HIP1: variants seen among roughly 807,000 people sequenced by gnomAD.
HIP1 encodes the protein huntingtin interacting protein 1, also known as huntingtin-interacting protein 1.
In HIP1, 65 loss-of-function variants were observed where a neutral mutation model predicts 147.6. The ratio of observed to expected loss-of-function variants is 0.44; its 90% confidence interval spans 0.36 to 0.54. The LOEUF (loss-of-function observed/expected upper bound fraction) is 0.54, where lower values mean the gene tolerates loss of function less well. Among genes scored for constraint, HIP1 ranks in the 20% least tolerant of loss-of-function variants. HIP1 has a pLI of 0.00. For synonymous variants in HIP1, 479 were observed against 504.0 expected (o/e 0.95, Z 0.67); for missense variants, 1,061 against 1,299.6 (o/e 0.82, Z 2.82).
At chr7:75,627,732 G>C (rs1798092611) in intron 1 of HIP1, among the ~76,000 whole-genome samples, 1 of 152,174 alleles carries the variant, frequency 6.6e-6, no homozygotes. Flanking sequence ...ATAAGAGGCA[G>C]CATCTTCCCT....
At chr7:75,713,696 A>C (rs1554520289) in intron 1 of HIP1, among the ~76,000 whole-genome samples, 1 of 128,576 alleles carries the variant, frequency 7.8e-6, no homozygotes. Context: ...GCTGAGTGAC[A>C]TGCCATTTTT....
intron 6 of HIP1, among the ~76,000 whole-genome samples, chr7:75,581,640 G>A (rs1333326539): frequency 2.0e-5 from 3 of 152,192 alleles, no homozygotes; most frequent in African/African-American, 7.2e-5. Flanking sequence ...TTAGCTGGGT[G>A]TGATGGCGCA....
At chr7:75,544,638 G>T in intron 27 of HIP1, 57 bp downstream of exon 27, 2 of 1,029,918 alleles carry the variant, frequency 1.9e-6, no homozygotes, top group Non-Finnish European at 3.1e-6. Flanking sequence ...CTTTAACCTA[G>T]CCTAGTACTC....
chr7:75,652,979 G>A (rs367803926), intron 1 of HIP1, among the ~76,000 whole-genome samples: 2 of 152,296 alleles, frequency 1.3e-5, no homozygotes, highest in East Asian at 3.9e-4. Context: ...TCAGCTGAGT[G>A]TGACAGTTAA....
At chr7:75,559,984 C>A in intron 13 of HIP1, 69 bp from the exon 14 acceptor site, 1 of 1,420,392 alleles carries the variant, frequency 7.0e-7, no homozygotes. Context: ...GCCGGAGAAG[C>A]GGGTCCTACC....
At chr7:75,734,319 C>T (rs1400683583) in intron 1 of HIP1, among the ~76,000 whole-genome samples, 1 of 151,232 alleles carries the variant, frequency 6.6e-6, no homozygotes, top group Non-Finnish European at 1.5e-5. Context: ...TGGTGGCATG[C>T]TCCTGTAGTC....
chr7:75,703,475 C>T (rs1800897823), intron 1 of HIP1, among the ~76,000 whole-genome samples: 2 of 152,070 alleles, frequency 1.3e-5, no homozygotes, highest in Admixed American at 1.3e-4. Context: ...GAAACCCTAT[C>T]TCTACTAAAA....
intron 21 of HIP1, 133 bp from the exon 22 acceptor site, chr7:75,553,722 CG>C: frequency 1.2e-6 from 1 of 803,932 alleles, no homozygotes; most frequent in Non-Finnish European, 1.9e-6. Flanking sequence ...TCTCCTGCCT[CG>C]GCCTCCCAAG....
intron 1 of HIP1, among the ~76,000 whole-genome samples, chr7:75,643,528 T>G (rs1305217874): frequency 6.6e-6 from 1 of 152,168 alleles, no homozygotes; most frequent in Non-Finnish European, 1.5e-5. Context: ...GGTATTATTA[T>G]TACAATGCGT....
chr7:75,722,164 G>C (rs182103619), intron 1 of HIP1, among the ~76,000 whole-genome samples: 2 of 152,192 alleles, frequency 1.3e-5, no homozygotes, highest in Admixed American at 1.3e-4. Flanking sequence ...TTCAAAATTA[G>C]CCAGGCATGG....
chr7:75,671,740 C>T (rs2705824), intron 1 of HIP1, among the ~76,000 whole-genome samples: 85,879 of 151,838 alleles, frequency 0.57, 24,773 homozygotes, highest in African/African-American at 0.66. Context: ...TTCATGTTTT[C>T]CTTTTTTTTA....
Position 75,568,358 on chromosome 7 carries a change from G to A in HIP1, c.746-102C>T. Reference sequence around the variant, plus strand: ...GAGGGGCCCAGCTACCCTGGGGCATGTGGCCAGCACTGCCAGGGGCCACGA... The same window carrying A: ...GAGGGGCCCAGCTACCCTGGGGCATATGGCCAGCACTGCCAGGGGCCACGA... On this transcript the variant is annotated intron_variant, in intron 8 of 30. Coordinates refer to ENST00000336926, the MANE Select transcript of HIP1 (RefSeq NM_005338.7). This position sits in a 1 kb window ranked among gnomAD's most constrained non-coding sequence, Gnocchi z 4.1. 1.2e-6 allele frequency: 1 copy of A among 818,486 alleles called. No individual in the cohort carries two copies. The highest frequency in any genetic ancestry group is 2.2e-6 in the Non-Finnish European group (1 of 462,374). The allele number at this position is 818,486 out of a possible 1,614,324, so 50.7% of individuals were successfully genotyped here.
rs368710595 is a variant in HIP1, at chr7:75,598,805, G to A, written c.184+379C>T. 3.3e-5 allele frequency among the ~76,000 whole-genome samples: 5 copies of A among 152,066 alleles called. No homozygotes were observed. In the East Asian group the frequency reaches 7.8e-4, roughly 24 times the overall value. On this transcript the variant is annotated intron_variant, in intron 2 of 30. Coordinates refer to ENST00000336926, the MANE Select transcript of HIP1 (RefSeq NM_005338.7). ...TCCCAGCTACTCGGGAGGCTGAGACGAGAGGATTGCGTGAACCCAGGAGTT... is the reference window on the plus strand; with the variant it reads ...TCCCAGCTACTCGGGAGGCTGAGACAAGAGGATTGCGTGAACCCAGGAGTT...
Position 75,586,834 on chromosome 7 carries a change from CT to C in HIP1, c.385-2del. 6.2e-7 allele frequency: 1 copy of C among 1,607,228 alleles called. No homozygotes were observed. Among genetic ancestry groups the C allele is most frequent in the Non-Finnish European group, 8.5e-7 (1 of 1,174,310 alleles). ...GGCCATACCCCTCGCTCAGGTGGCC[CT>C]TTTAGGAAGAGGAGGGGAAACAGAG... On this transcript the variant is annotated splice_acceptor_variant, in intron 4 of 30. Coordinates refer to ENST00000336926, the MANE Select transcript of HIP1 (RefSeq NM_005338.7). LOFTEE classifies it high-confidence loss of function.
At chr7:75,725,460 C>G (rs1166719541) in intron 1 of HIP1, among the ~76,000 whole-genome samples, 2 of 152,152 alleles carry the variant, frequency 1.3e-5, no homozygotes, top group Non-Finnish European at 2.9e-5. Flanking sequence ...CAGAAACTCC[C>G]TTTCCCCACC....
At position 75,566,269 on chromosome 7, in the gene HIP1, A is replaced by G. The variant is rs1584805859; in HGVS notation, c.803+1930T>C. ...ACTCCTGACCTCAAGTGATCTGCCCACCTCGGCCTCCCAAAGTGCTGGGAT... is the reference window on the plus strand; with the variant it reads ...ACTCCTGACCTCAAGTGATCTGCCCGCCTCGGCCTCCCAAAGTGCTGGGAT... On this transcript the variant is annotated intron_variant, in intron 9 of 30. Transcript: ENST00000336926. Among the ~76,000 whole-genome samples the G allele has an allele frequency of 2.1e-5, 3 of 141,870 alleles. 1 individual carries two copies. Among genetic ancestry groups the G allele is most frequent in the African/African-American group, 8.1e-5 (3 of 37,026 alleles). 93.1% of individuals were successfully genotyped at this position (141,870 alleles called of 152,430 possible).
chr7:75,582,200 CCT>C (rs1554498756), intron 5 of HIP1, 49 bp from the exon 6 acceptor site: 1 of 1,471,734 alleles, frequency 6.8e-7, no homozygotes, highest in East Asian at 2.3e-5. Flanking sequence ...CATGAAGAGC[CCT>C]CTCTCAGCCG....
chr7:75,581,983 TC>T, intron 6 of HIP1, 91 bp downstream of exon 6: 1 of 1,045,336 alleles, frequency 9.6e-7, no homozygotes, highest in Non-Finnish European at 1.4e-6. Context: ...AGCCACGGCC[TC>T]CCCCCATCAG....
At chr7:75,606,299 G>A (rs1206462089) in intron 1 of HIP1, among the ~76,000 whole-genome samples, 1 of 152,174 alleles carries the variant, frequency 6.6e-6, no homozygotes, top group African/African-American at 2.4e-5. Flanking sequence ...ACAGCAGAAG[G>A]ATGCATCCAT....
Sources: allele counts gnomAD v4.1 joint callset (sites outside exome capture counted in the v4.1 genomes callset), GRCh38; gene constraint gnomAD v4.1.1; non-coding constraint Gnocchi (gnomAD v3.1); transcripts MANE v1.5; gene names NCBI Gene and HGNC (gene_info 2026-07-23, HGNC 2026-07-21).